RPS6KA2: variants seen among roughly 807,000 people sequenced by gnomAD.
The protein encoded by RPS6KA2 is ribosomal protein S6 kinase alpha-2.
A neutral mutation model predicts 91.8 loss-of-function variants in RPS6KA2; 42 were observed. The ratio of observed to expected loss-of-function variants is 0.46; its 90% confidence interval spans 0.36 to 0.59. The LOEUF (loss-of-function observed/expected upper bound fraction) is 0.59. Among genes scored for constraint, RPS6KA2 ranks in the 20% least tolerant of loss-of-function variants. RPS6KA2 has a pLI of 0.00. For synonymous variants in RPS6KA2, 414 were observed against 393.6 expected, an observed-to-expected ratio of 1.05 and a Z score of -0.61; for missense variants, 798 against 978.5, an observed-to-expected ratio of 0.82 and a Z score of 2.46.
At chr6:166,596,210 G>A (rs1785528184) in intron 1 of RPS6KA2, among the ~76,000 whole-genome samples, 1 of 152,218 alleles carries the variant, frequency 6.6e-6, no homozygotes, top group Non-Finnish European at 1.5e-5. Context: ...GATCAAGGAA[G>A]GAGGTCGGTT....
At chr6:166,598,165 G>T (rs888539102) in intron 1 of RPS6KA2, among the ~76,000 whole-genome samples, 1 of 152,166 alleles carries the variant, frequency 6.6e-6, no homozygotes. Flanking sequence ...AGGAGAGAGC[G>T]GGGAGAAAGG....
intron 20 of RPS6KA2, among the ~76,000 whole-genome samples, chr6:166,413,142 G>A (rs1778372207): frequency 6.6e-6 from 1 of 152,112 alleles, no homozygotes; most frequent in South Asian, 2.1e-4. Context: ...CTTGTGCCTT[G>A]GGGGAAAATG....
chr6:166,524,442 C>T (rs1782957652), intron 3 of RPS6KA2, among the ~76,000 whole-genome samples: 1 of 152,152 alleles, frequency 6.6e-6, no homozygotes, highest in Non-Finnish European at 1.5e-5. Flanking sequence ...CCTGTGTTCT[C>T]CGTGCAGGCA....
At chr6:166,524,966 C>A (rs559964213) in intron 3 of RPS6KA2, among the ~76,000 whole-genome samples, 1 of 152,330 alleles carries the variant, frequency 6.6e-6, no homozygotes, top group South Asian at 2.1e-4. Flanking sequence ...TTCTCGCGCT[C>A]AGACCAACCA....
intron 1 of RPS6KA2, among the ~76,000 whole-genome samples, chr6:166,598,965 G>C (rs1017234576): frequency 6.6e-6 from 1 of 152,182 alleles, no homozygotes; most frequent in African/African-American, 2.4e-5. Context: ...GGCCCAGCCC[G>C]GCCTGTCTCA....
At chr6:166,754,567 G>T (rs568442919) in intron 2 of RPS6KA2, among the ~76,000 whole-genome samples, 2 of 152,110 alleles carry the variant, frequency 1.3e-5, no homozygotes, top group Admixed American at 1.3e-4. Context: ...GGCCCAGAGC[G>T]TGAGAGTCCA....
At chr6:166,744,958 A>G (rs1790946181) in intron 2 of RPS6KA2, among the ~76,000 whole-genome samples, 1 of 152,074 alleles carries the variant, frequency 6.6e-6, no homozygotes, top group African/African-American at 2.4e-5. Flanking sequence ...CAGGCTGCGT[A>G]ACAAATAACA....
chr6:166,479,812 T>C (rs1194073250), intron 10 of RPS6KA2, among the ~76,000 whole-genome samples: 2 of 152,228 alleles, frequency 1.3e-5, no homozygotes, highest in Admixed American at 1.3e-4. Context: ...AGAATTTTTC[T>C]TTGCTTACCT....
At chr6:166,689,496 T>C (rs1443740902) in intron 2 of RPS6KA2, among the ~76,000 whole-genome samples, 3 of 152,218 alleles carry the variant, frequency 2.0e-5, no homozygotes, top group African/African-American at 7.2e-5. Flanking sequence ...AAAGTGTTGG[T>C]TAAACTGAGC....
At chr6:166,750,668 A>C (rs768479197) in intron 2 of RPS6KA2, among the ~76,000 whole-genome samples, 1 of 152,208 alleles carries the variant, frequency 6.6e-6, no homozygotes, top group Non-Finnish European at 1.5e-5. Flanking sequence ...TTGTGCCTAG[A>C]ACATGCCAGG....
At chr6:166,440,862 G>A (rs1004938106) in intron 14 of RPS6KA2, among the ~76,000 whole-genome samples, 6 of 152,230 alleles carry the variant, frequency 3.9e-5, no homozygotes, top group African/African-American at 9.6e-5. Flanking sequence ...CGCAAGTGCC[G>A]CCGGTGAGTA....
intron 2 of RPS6KA2, among the ~76,000 whole-genome samples, chr6:166,775,582 T>C (rs1678957343): frequency 6.6e-6 from 1 of 152,190 alleles, no homozygotes; most frequent in East Asian, 1.9e-4. Flanking sequence ...CCCCCGACTC[T>C]CCCTCCGCTG....
At chr6:166,571,102 C>T (rs1346058878) in intron 1 of RPS6KA2, among the ~76,000 whole-genome samples, 1 of 152,174 alleles carries the variant, frequency 6.6e-6, no homozygotes, top group African/African-American at 2.4e-5. Flanking sequence ...GAGGACGCAC[C>T]CCAGGACCGA....
At chr6:166,581,721 G>C (rs1384949437) in intron 1 of RPS6KA2, among the ~76,000 whole-genome samples, 7 of 152,242 alleles carry the variant, frequency 4.6e-5, no homozygotes, top group Non-Finnish European at 8.8e-5. Flanking sequence ...ACCCACCCTG[G>C]GCGAGATGGG....
chr6:166,550,851 A>G (rs2128500421), intron 1 of RPS6KA2, among the ~76,000 whole-genome samples: 1 of 152,134 alleles, frequency 6.6e-6, no homozygotes, highest in Non-Finnish European at 1.5e-5. Context: ...AATACAAAAA[A>G]TTAGCCAGGC....
chr6:166,740,231 A>G (rs1790773221), intron 2 of RPS6KA2, among the ~76,000 whole-genome samples: 1 of 152,244 alleles, frequency 6.6e-6, no homozygotes, highest in South Asian at 2.1e-4. Flanking sequence ...ATCTGGATTA[A>G]GTCCAGCACT....
intron 2 of RPS6KA2, among the ~76,000 whole-genome samples, chr6:166,791,601 CCA>C (rs1363266343): frequency 6.6e-6 from 1 of 152,150 alleles, no homozygotes; most frequent in African/African-American, 2.4e-5. Context: ...CCAAAATTGA[CCA>C]CATAGTTGGA....
At chr6:166,688,097 C>A (rs573974943) in intron 2 of RPS6KA2, among the ~76,000 whole-genome samples, 1 of 152,150 alleles carries the variant, frequency 6.6e-6, no homozygotes, top group East Asian at 1.9e-4. Context: ...GGGCCGCAGA[C>A]CTCAGGGTGG....
At chr6:166,668,306 T>C (rs1487091084) in intron 2 of RPS6KA2, among the ~76,000 whole-genome samples, 2 of 152,146 alleles carry the variant, frequency 1.3e-5, no homozygotes, top group African/African-American at 4.8e-5. Flanking sequence ...CCTTGGCACC[T>C]CACCCCTCAG....
Sources: allele counts gnomAD v4.1 joint callset (sites outside exome capture counted in the v4.1 genomes callset), GRCh38; gene constraint gnomAD v4.1.1; transcripts MANE v1.5; gene names NCBI Gene and HGNC (gene_info 2026-07-23, HGNC 2026-07-21).